RPTOR: variants seen among roughly 807,000 people sequenced by gnomAD.
RPTOR encodes regulatory-associated protein of mTOR.
In RPTOR, 21 loss-of-function variants were observed where a neutral mutation model predicts 169.9. The observed-to-expected ratio is 0.12, with a 90% CI of 0.09 to 0.18. The LOEUF (loss-of-function observed/expected upper bound fraction) is 0.18. RPTOR is among the 10% of genes least tolerant of loss of function. The pLI, the probability that RPTOR is intolerant of heterozygous loss-of-function variation, is 1.00. For synonymous variants in RPTOR, 732 were observed against 753.2 expected, an observed-to-expected ratio of 0.97 and a Z score of 0.46; for missense variants, 1,133 against 1,855.9, an observed-to-expected ratio of 0.61 and a Z score of 7.16.
intron 13 of RPTOR, among the ~76,000 whole-genome samples, chr17:80,869,458 C>T (rs2068028486): frequency 6.6e-6 from 1 of 152,140 alleles, no homozygotes; most frequent in African/African-American, 2.4e-5. Context: ...ACCTGGCCCC[C>T]CTTCTAGATT....
intron 1 of RPTOR, among the ~76,000 whole-genome samples, chr17:80,561,322 G>T (rs2084491358): frequency 6.9e-6 from 1 of 145,794 alleles, no homozygotes; most frequent in Non-Finnish European, 1.5e-5. Context: ...TATTGGCCAG[G>T]CTGGTCTCAA....
At chr17:80,638,894 G>A (rs1450682931) in intron 2 of RPTOR, among the ~76,000 whole-genome samples, 2 of 152,172 alleles carry the variant, frequency 1.3e-5, no homozygotes, top group Non-Finnish European at 2.9e-5. Context: ...GTGTTAGAAC[G>A]GGGCCAGACT....
At chr17:80,579,083 C>T (rs1279674421) in intron 1 of RPTOR, among the ~76,000 whole-genome samples, 3 of 152,278 alleles carry the variant, frequency 2.0e-5, no homozygotes, top group Middle Eastern at 3.4e-3. Context: ...CACAGGTACT[C>T]GGGGTTATTA....
chr17:80,781,724 T>G (rs1480741913), intron 6 of RPTOR, among the ~76,000 whole-genome samples: 1 of 152,202 alleles, frequency 6.6e-6, no homozygotes, highest in African/African-American at 2.4e-5. Flanking sequence ...TTCAGAAACC[T>G]CCTTATAGGG....
intron 4 of RPTOR, among the ~76,000 whole-genome samples, chr17:80,720,772 T>TGCCATCAGCTGAAGGATGATGCTTGC (rs2066278803): frequency 5.3e-5 from 8 of 151,800 alleles, no homozygotes; most frequent in African/African-American, 1.9e-4. Context: ...AGGCCCTCCC[T>TGCCATCAGCTGAAGGATGATGCTTGC]GAGCCTCTGC....
chr17:80,774,680 C>G (rs891104883), intron 6 of RPTOR, among the ~76,000 whole-genome samples: 5 of 152,234 alleles, frequency 3.3e-5, no homozygotes, highest in African/African-American at 1.2e-4. Flanking sequence ...CCGTTGGGGA[C>G]TTTACAGAGC....
intron 10 of RPTOR, among the ~76,000 whole-genome samples, chr17:80,842,962 T>G (rs1002586208): frequency 6.6e-6 from 1 of 152,242 alleles, no homozygotes; most frequent in African/African-American, 2.4e-5. Flanking sequence ...TTTGCTCACT[T>G]GTTCTTTGCA....
At chr17:80,812,368 T>C (rs1245549185) in intron 7 of RPTOR, among the ~76,000 whole-genome samples, 1 of 152,180 alleles carries the variant, frequency 6.6e-6, no homozygotes, top group East Asian at 1.9e-4. Context: ...ATGCTACAAA[T>C]TGAAAACGGA....
At chr17:80,855,612 C>A (rs2067843362) in intron 12 of RPTOR, 65 bp downstream of exon 12, 1 of 1,225,428 alleles carries the variant, frequency 8.2e-7, no homozygotes, top group Non-Finnish European at 1.2e-6. Flanking sequence ...CTCCGTGTTT[C>A]AGTCTGTGCA....
At chr17:80,679,533 T>G (rs963846504) in intron 3 of RPTOR, among the ~76,000 whole-genome samples, 16 of 152,238 alleles carry the variant, frequency 1.1e-4, no homozygotes, top group African/African-American at 3.4e-4. Flanking sequence ...CATTTAAACT[T>G]AAGAATTTCT....
chr17:80,933,511 A>G (rs1319124463), intron 24 of RPTOR, among the ~76,000 whole-genome samples: 2 of 152,360 alleles, frequency 1.3e-5, no homozygotes, highest in East Asian at 3.9e-4. Flanking sequence ...ACACATTCAT[A>G]GGTCAGAAGA....
intron 3 of RPTOR, among the ~76,000 whole-genome samples, chr17:80,645,238 A>C (rs925453660): frequency 6.6e-6 from 1 of 152,346 alleles, no homozygotes; most frequent in East Asian, 1.9e-4. Flanking sequence ...TGGCAGTATT[A>C]GAAGACATGG....
At chr17:80,829,788 T>A (rs2067483763) in intron 9 of RPTOR, among the ~76,000 whole-genome samples, 1 of 152,214 alleles carries the variant, frequency 6.6e-6, no homozygotes, top group South Asian at 2.1e-4. Context: ...TTCTGCAAGG[T>A]CTGACATCGT....
chr17:80,930,118 A>ACTCATCCCCAGCTCATCCTCAG, intron 24 of RPTOR, among the ~76,000 whole-genome samples: 1 of 23,118 alleles, frequency 4.3e-5, no homozygotes, highest in African/African-American at 1.7e-4. Context: ...CTCATCCTCA[A>ACTCATCCCCAGCTCATCCTCAG]CTCATCCCCA....
Position 80,957,745 on chromosome 17 carries a change from G to T in RPTOR, c.3477+15G>T. 1 of 1,610,802 alleles carries T rather than the reference G, an allele frequency of 6.2e-7. No homozygotes were observed. The stretch of plus-strand genomic sequence containing the variant: ...TGAAGGTGCAGGTAACCATGCAGGT[G>T]TCCCCCAAGCCCTGGGCCTGTGGGG... On this transcript the variant is annotated intron_variant, in intron 29 of 33. Coordinates refer to ENST00000306801, the MANE Select transcript of RPTOR (RefSeq NM_020761.3). The surrounding 1 kb of genome is among the most constrained non-coding windows in gnomAD (Gnocchi z 4.6).
chr17:80,819,818 C>T (rs1289090633), intron 7 of RPTOR, among the ~76,000 whole-genome samples: 13 of 152,176 alleles, frequency 8.5e-5, no homozygotes, highest in Admixed American at 2.0e-4. Flanking sequence ...GTCACTCAAT[C>T]GGTCTTGTCT....
intron 9 of RPTOR, among the ~76,000 whole-genome samples, chr17:80,831,450 G>A (rs2067502576): frequency 1.3e-5 from 2 of 152,220 alleles, no homozygotes; most frequent in Admixed American, 6.5e-5. Flanking sequence ...CTCTCACCAC[G>A]TCCTTAACAC....
At chr17:80,954,362 T>A (rs569737081) in intron 28 of RPTOR, among the ~76,000 whole-genome samples, 1 of 152,134 alleles carries the variant, frequency 6.6e-6, no homozygotes, top group South Asian at 2.1e-4. Context: ...CCTCAGGTGA[T>A]CCACCCGCCT....
Position 80,921,414 on chromosome 17 carries a change from G to A in RPTOR, c.2521-1310G>A, listed in dbSNP as rs567145269. Among the ~76,000 whole-genome samples, 59 of 152,288 alleles carry A rather than the reference G, an allele frequency of 3.9e-4. 1 individual carries two copies. The highest frequency in any genetic ancestry group is 1.0e-3 in the African/African-American group (43 of 41,576). On this transcript the variant is annotated intron_variant, in intron 21 of 33. Transcript: ENST00000306801. ...TGGAGTCCAGAACCCAGCGGGACCC[G>A]CATTCCCCCCACTGAGCAGTGTACT...
Sources: allele counts gnomAD v4.1 joint callset (sites outside exome capture counted in the v4.1 genomes callset), GRCh38; gene constraint gnomAD v4.1.1; non-coding constraint Gnocchi (gnomAD v3.1); transcripts MANE v1.5; gene names NCBI Gene and HGNC (gene_info 2026-07-23, HGNC 2026-07-21).